The following CLIC5 variants were observed in gnomAD, a reference collection of about 807,000 sequenced individuals.
The protein encoded by CLIC5 is chloride intracellular channel protein 5.
CLIC5 carries 20 observed loss-of-function variants against 24.7 expected under a neutral mutation model. The observed-to-expected ratio is 0.81, with a 90% CI of 0.57 to 1.18. The LOEUF is 1.18. CLIC5 is among the 50% of genes most tolerant of loss of function. The pLI, the probability that CLIC5 is intolerant of heterozygous loss-of-function variation, is 0.00. For missense variants in CLIC5, 341 were observed against 326.1 expected, an observed-to-expected ratio of 1.05 and a Z score of -0.35; for synonymous variants, 159 against 135.6, an observed-to-expected ratio of 1.17 and a Z score of -1.20.
rs866987829 is a variant in CLIC5, at chr6:45,933,101, G to A, written c.406+8446C>T. 9.8e-5 allele frequency among the ~76,000 whole-genome samples: 15 copies of A among 152,320 alleles called. No homozygotes were observed. In the South Asian group the frequency reaches 1.0e-3, roughly 11 times the overall value. On this transcript the variant is annotated intron_variant, in intron 4 of 5. Transcript: ENST00000339561. ...CCAGAATAAGCCCAGGGAGCTTCCA[G>A]GTTCCAGAAAGAGGAGCCTCTGATG...
intron 1 of CLIC5, among the ~76,000 whole-genome samples, chr6:46,009,141 C>T (rs1455644671): frequency 6.6e-6 from 1 of 151,906 alleles, no homozygotes; most frequent in Non-Finnish European, 1.5e-5. Context: ...CCATGGTTTA[C>T]CTCCAGTGCT....
At chr6:45,942,644 T>A (rs1764172004) in intron 3 of CLIC5, among the ~76,000 whole-genome samples, 1 of 152,224 alleles carries the variant, frequency 6.6e-6, no homozygotes, top group Admixed American at 6.5e-5. Context: ...AGCAAAATCC[T>A]TTTTGTTTGT....
chr6:46,071,424 G>T (rs1246130262), intron 1 of CLIC5, among the ~76,000 whole-genome samples: 2 of 151,816 alleles, frequency 1.3e-5, no homozygotes, highest in Admixed American at 6.6e-5. Flanking sequence ...TAAAAAGTGG[G>T]CAAAGGACAT....
Position 45,902,964 on chromosome 6 carries a change from G to T in CLIC5, c.*124C>A. 1.9e-6 allele frequency: 2 copies of T among 1,061,380 alleles called. No individual in the cohort carries two copies. Among genetic ancestry groups the T allele is most frequent in the Non-Finnish European group, 2.8e-6 (2 of 716,246 alleles). The allele number at this position is 1,061,380 out of a possible 1,614,324, so 65.7% of individuals were successfully genotyped here. On this transcript the variant is annotated 3_prime_UTR_variant, in exon 6 of 6. Transcript: ENST00000339561. Reference sequence around the variant, plus strand: ...GCAGGCTGGAGTTCCCATGATACCAGCAAGATGAGGCTTGATTATAAAAAG... The same window carrying T: ...GCAGGCTGGAGTTCCCATGATACCATCAAGATGAGGCTTGATTATAAAAAG...
chr6:45,921,456 G>A (rs540629209), intron 4 of CLIC5, among the ~76,000 whole-genome samples: 17 of 152,156 alleles, frequency 1.1e-4, no homozygotes, highest in Non-Finnish European at 2.5e-4. Flanking sequence ...AGAGATTTGG[G>A]TTTGAATCCT....
chr6:46,123,902 G>A, the CLIC5 span, among the ~76,000 whole-genome samples: 86,337 of 151,828 alleles, frequency 0.57, 24,901 homozygotes, highest in Middle Eastern at 0.76. Context: ...TTCAAGGCGA[G>A]CTACAAACCA....
intron 4 of CLIC5, among the ~76,000 whole-genome samples, chr6:45,940,024 G>A (rs754448662): frequency 6.6e-6 from 1 of 152,120 alleles, no homozygotes; most frequent in Non-Finnish European, 1.5e-5. Flanking sequence ...TCTAATGGAT[G>A]TCATTGCCCA....
At chr6:45,998,501 A>T (rs1766233616) in intron 1 of CLIC5, among the ~76,000 whole-genome samples, 1 of 152,212 alleles carries the variant, frequency 6.6e-6, no homozygotes, top group South Asian at 2.1e-4. Context: ...CGAGTCCGCA[A>T]CCACAAAAAC....
intron 3 of CLIC5, among the ~76,000 whole-genome samples, chr6:45,944,613 A>G (rs2127372791): frequency 6.6e-6 from 1 of 152,142 alleles, no homozygotes; most frequent in South Asian, 2.1e-4. Context: ...AAAAGAGAAA[A>G]CCATTGCAGA....
chr6:46,009,024 A>T (rs985904453), intron 1 of CLIC5, among the ~76,000 whole-genome samples: 1 of 151,968 alleles, frequency 6.6e-6, no homozygotes, highest in South Asian at 2.1e-4. Flanking sequence ...GCCTCACCCC[A>T]CCCTCCTAAA....
At chr6:46,126,601 C>T in the CLIC5 span, among the ~76,000 whole-genome samples, 6 of 152,128 alleles carry the variant, frequency 3.9e-5, no homozygotes. Context: ...ACCAAAGGAA[C>T]TTTCAAAATC....
chr6:45,962,125 G>A lies in CLIC5; in HGVS notation c.64-6881C>T, dbSNP rs79749223. 8.7e-3 allele frequency among the ~76,000 whole-genome samples: 1,293 copies of A among 148,558 alleles called. 15 individuals carry two copies. Among genetic ancestry groups the A allele is most frequent in the African/African-American group, 0.03 (1,223 of 40,376 alleles). On this transcript the variant is annotated intron_variant, in intron 1 of 5. Transcript: ENST00000339561. ...TTATATCTACTATATATGGAGAAAC[G>A]TATACACATCTTATTTTTATATAAT...
At chr6:46,044,506 A>G (rs1215649522) in intron 1 of CLIC5, among the ~76,000 whole-genome samples, 3 of 152,190 alleles carry the variant, frequency 2.0e-5, no homozygotes, top group African/African-American at 7.2e-5. Context: ...TGTGGATTTG[A>G]GTTATTTGCT....
At chr6:46,091,468 G>GCTCA in the CLIC5 span, among the ~76,000 whole-genome samples, 1 of 152,142 alleles carries the variant, frequency 6.6e-6, no homozygotes, top group Non-Finnish European at 1.5e-5. Flanking sequence ...TAGCATGGTG[G>GCTCA]CTCATGCCTG....
At chr6:46,044,494 AC>A (rs760938749) in intron 1 of CLIC5, among the ~76,000 whole-genome samples, 13 of 152,170 alleles carry the variant, frequency 8.5e-5, no homozygotes, top group Non-Finnish European at 1.6e-4. Context: ...GAAATTTTGC[AC>A]TGTGGATTTG....
intron 1 of CLIC5, among the ~76,000 whole-genome samples, chr6:46,071,299 G>C (rs1366922493): frequency 6.6e-6 from 1 of 151,890 alleles, no homozygotes; most frequent in East Asian, 1.9e-4. Flanking sequence ...TACAGAACAG[G>C]AGAAAAATTT....
chr6:45,900,940 CGGAGGCTT>C lies in CLIC5; in HGVS notation c.*2140_*2147del, dbSNP rs1762495174. On this transcript the variant is annotated 3_prime_UTR_variant, in exon 6 of 6. Coordinates refer to ENST00000339561, the MANE Select transcript of CLIC5 (RefSeq NM_016929.5). The stretch of plus-strand genomic sequence containing the variant: ...CTTCTCTGGGGTGGAGTGGCCTCAC[CGGAGGCTT>C]GGTTCTGTTTTCTCTGTGGCAATTG... 1 of 152,132 alleles carries C rather than the reference CGGAGGCTT, an allele frequency of 6.6e-6. No individual in the cohort carries two copies. Among genetic ancestry groups the C allele is most frequent in the Non-Finnish European group, 1.5e-5 (1 of 68,028 alleles). The allele number at this position is 152,132 out of a possible 1,614,324, so 9.4% of individuals were successfully genotyped here.
chr6:46,119,737 A>T, the CLIC5 span, among the ~76,000 whole-genome samples: 1 of 152,218 alleles, frequency 6.6e-6, no homozygotes, highest in Non-Finnish European at 1.5e-5. Flanking sequence ...TCCCACCCTA[A>T]TACTGCACTT....
At chr6:45,910,932 G>A (rs1345511951) in intron 5 of CLIC5, among the ~76,000 whole-genome samples, 1 of 152,188 alleles carries the variant, frequency 6.6e-6, no homozygotes, top group Non-Finnish European at 1.5e-5. Flanking sequence ...GCTGAATCCA[G>A]TTTGCTATTT....
Sources: allele counts gnomAD v4.1 joint callset (sites outside exome capture counted in the v4.1 genomes callset), GRCh38; gene constraint gnomAD v4.1.1; transcripts MANE v1.5; gene names NCBI Gene and HGNC (gene_info 2026-07-23, HGNC 2026-07-21).